The following CCDC6 variants were observed in gnomAD, a reference collection of about 807,000 sequenced individuals.
CCDC6 encodes the protein coiled-coil domain-containing protein 6.
CCDC6 carries 20 observed loss-of-function variants against 56.6 expected under a neutral mutation model. That is an observed-to-expected ratio of 0.35 (90% confidence interval 0.25 to 0.51). The LOEUF is 0.51. CCDC6 is among the 20% of genes least tolerant of loss of function. The pLI is 0.95. For synonymous variants in CCDC6, 241 were observed against 234.4 expected (o/e 1.03, Z -0.26); for missense variants, 367 against 601.1 (o/e 0.61, Z 4.07).
chr10:59,851,126 A>G (rs867392531), intron 2 of CCDC6, among the ~76,000 whole-genome samples: 13 of 132,774 alleles, frequency 9.8e-5, no homozygotes, highest in South Asian at 2.7e-4. Flanking sequence ...ACAACCATGT[A>G]AATTGAAAAA....
At chr10:59,894,178 A>G (rs554449884) in intron 1 of CCDC6, among the ~76,000 whole-genome samples, 3 of 152,364 alleles carry the variant, frequency 2.0e-5, no homozygotes, top group African/African-American at 7.2e-5. Flanking sequence ...TGCACTGAGT[A>G]GCCAGAGTGG....
At chr10:59,888,593 A>AG (rs1271164885) in intron 1 of CCDC6, among the ~76,000 whole-genome samples, 2 of 152,146 alleles carry the variant, frequency 1.3e-5, no homozygotes, top group African/African-American at 4.8e-5. Context: ...TTAATAGCAG[A>AG]GGGGAGACAA....
In CCDC6 at chr10:59,812,789, C is replaced by A; in HGVS notation, c.693G>T (p.Leu231=). The change falls in exon 5 of 9, where the codon CTG becomes CTT. Residue 231 remains leucine, a synonymous_variant. Transcript: ENST00000263102. ...MDKLEAEKRI[L]QEKLDQPVSA... ...AGACGGGCTGGTCTAATTTTTCCTG[C>A]AGGATTCTTCATTGAAAAGAAAAAT... 1 of 1,590,026 alleles carries A rather than the reference C, an allele frequency of 6.3e-7. No individual in the cohort carries two copies.
At position 59,792,149 on chromosome 10, in the gene CCDC6, GGAC is replaced by G; in HGVS notation, c.*765_*767del. The G allele has an allele frequency of 4.3e-6, 1 of 235,106 alleles. No homozygotes were observed. Among genetic ancestry groups the G allele is most frequent in the East Asian group, 6.2e-5 (1 of 16,128 alleles). The allele number at this position is 235,106 out of a possible 1,614,324, so 14.6% of individuals were successfully genotyped here. On this transcript the variant is annotated 3_prime_UTR_variant, in exon 9 of 9. Coordinates refer to ENST00000263102, the MANE Select transcript of CCDC6 (RefSeq NM_005436.5). ...TAGCCATTGAAACCACCGGTGAGTA[GGAC>G]AACATTTATCGACTCATGTTAGAGG...
At chr10:59,817,581 G>C (rs2070718423) in intron 3 of CCDC6, among the ~76,000 whole-genome samples, 1 of 152,136 alleles carries the variant, frequency 6.6e-6, no homozygotes, top group South Asian at 2.1e-4. Context: ...TAGTTGATAA[G>C]CAAGAAAAAA....
At chr10:59,847,817 CTTTTTTTTTTTTT>C (rs757902015) in intron 2 of CCDC6, among the ~76,000 whole-genome samples, 1 of 104,862 alleles carries the variant, frequency 9.5e-6, no homozygotes, top group Non-Finnish European at 1.9e-5. Flanking sequence ...GCCTTTTAGA[CTTTTTTTTTTTTT>C]TTTTTTTTTT....
intron 1 of CCDC6, among the ~76,000 whole-genome samples, chr10:59,869,479 A>C (rs2071209584): frequency 6.6e-6 from 1 of 151,346 alleles, no homozygotes; most frequent in Non-Finnish European, 1.5e-5. Context: ...ACCAGCAAGA[A>C]GTAAGCCTTG....
intron 2 of CCDC6, among the ~76,000 whole-genome samples, chr10:59,849,244 C>T (rs2071018471): frequency 1.3e-5 from 2 of 152,218 alleles, no homozygotes; most frequent in South Asian, 4.1e-4. Flanking sequence ...ACTTCTCAGT[C>T]AAGAGTTCTC....
intron 1 of CCDC6, among the ~76,000 whole-genome samples, chr10:59,902,664 T>C (rs1423095658): frequency 6.6e-6 from 1 of 152,088 alleles, no homozygotes; most frequent in African/African-American, 2.4e-5. Flanking sequence ...CTCCCCAAAG[T>C]GCTGGGATTA....
chr10:59,891,454 T>C (rs536323027), intron 1 of CCDC6, among the ~76,000 whole-genome samples: 4 of 152,212 alleles, frequency 2.6e-5, no homozygotes, highest in Non-Finnish European at 4.4e-5. Context: ...ACTGTACTTA[T>C]GGAAAGCAGT....
At chr10:59,805,236 C>T (rs969295245) in intron 6 of CCDC6, 2 of 152,302 alleles carry the variant, frequency 1.3e-5, no homozygotes, top group Non-Finnish European at 2.9e-5. Flanking sequence ...TCCTGATAAA[C>T]CATCCTGCAC....
At chr10:59,844,542 G>A (rs1454412570) in intron 2 of CCDC6, among the ~76,000 whole-genome samples, 2 of 150,698 alleles carry the variant, frequency 1.3e-5, no homozygotes, top group Admixed American at 6.6e-5. Flanking sequence ...TTGTGGTCAG[G>A]AATCCAAGAC....
At chr10:59,878,573 C>A (rs1330375948) in intron 1 of CCDC6, among the ~76,000 whole-genome samples, 1 of 152,204 alleles carries the variant, frequency 6.6e-6, no homozygotes, top group Non-Finnish European at 1.5e-5. Flanking sequence ...TCAGAAGGTT[C>A]AATGCCCTGT....
chr10:59,840,457 C>T (rs867218530), intron 2 of CCDC6, among the ~76,000 whole-genome samples: 8 of 152,242 alleles, frequency 5.3e-5, no homozygotes, highest in Non-Finnish European at 1.2e-4. Flanking sequence ...CTTGCGTTTT[C>T]CTTATGATAT....
chr10:59,829,459 A>AAATTATAC, intron 3 of CCDC6, among the ~76,000 whole-genome samples: 1 of 152,360 alleles, frequency 6.6e-6, no homozygotes, highest in East Asian at 1.9e-4. Context: ...CCACACAAAA[A>AAATTATAC]AATTATACGT....
chr10:59,810,438 C>A (rs189931439), intron 5 of CCDC6, among the ~76,000 whole-genome samples: 1 of 152,256 alleles, frequency 6.6e-6, no homozygotes, highest in African/African-American at 2.4e-5. Flanking sequence ...CATACATTCT[C>A]CCCAAATTCC....
chr10:59,796,970 CA>C (rs56723229), intron 7 of CCDC6, among the ~76,000 whole-genome samples: 3,543 of 119,974 alleles, frequency 0.03, 70 homozygotes, highest in East Asian at 0.12. Context: ...GATTCCATCT[CA>C]AAAAAAAAAA....
intron 1 of CCDC6, among the ~76,000 whole-genome samples, chr10:59,885,223 T>A (rs1308244370): frequency 1.3e-5 from 2 of 152,116 alleles, no homozygotes; most frequent in East Asian, 3.9e-4. Context: ...TCCATCTTCA[T>A]TCTTTTTTCA....
intron 1 of CCDC6, among the ~76,000 whole-genome samples, chr10:59,859,165 G>A (rs1237590085): frequency 6.6e-6 from 1 of 150,832 alleles, no homozygotes; most frequent in Non-Finnish European, 1.5e-5. Context: ...GAGAATACAA[G>A]GAAGGTTTCT....
Sources: gnomAD v4.1 joint callset for allele counts (sites outside exome capture counted in the v4.1 genomes callset) on GRCh38, gnomAD v4.1.1 for gene constraint, MANE v1.5 for transcripts, NCBI Gene and HGNC (gene_info 2026-07-23, HGNC 2026-07-21) for gene names.